TMEM200A: variants seen among roughly 807,000 people sequenced by gnomAD.
TMEM200A encodes transmembrane protein 200A.
In TMEM200A, 12 loss-of-function variants were observed where a neutral mutation model predicts 24.3. The observed-to-expected ratio is 0.49, with a 90% CI of 0.32 to 0.80. The LOEUF (loss-of-function observed/expected upper bound fraction) is 0.80. TMEM200A is among the 30% of genes least tolerant of loss of function. TMEM200A has a pLI of 0.04. For missense variants in TMEM200A, 545 were observed against 614.4 expected, an observed-to-expected ratio of 0.89 and a Z score of 1.19; for synonymous variants, 224 against 224.4, an observed-to-expected ratio of 1.00 and a Z score of 0.02.
At chr6:130,377,397 A>T (rs1778483980) in intron 1 of TMEM200A, among the ~76,000 whole-genome samples, 1 of 152,194 alleles carries the variant, frequency 6.6e-6, no homozygotes, top group Admixed American at 6.5e-5. Context: ...TAGAGATACC[A>T]TCCTAGGGAT....
At chr6:130,392,609 TAACTC>T (rs1403161982) in intron 2 of TMEM200A, among the ~76,000 whole-genome samples, 1 of 152,222 alleles carries the variant, frequency 6.6e-6, no homozygotes, top group Non-Finnish European at 1.5e-5. Flanking sequence ...CATCGCCTAG[TAACTC>T]AAATCCCAAC....
chr6:130,407,366 T>C (rs1779229556), intron 2 of TMEM200A, among the ~76,000 whole-genome samples: 1 of 152,206 alleles, frequency 6.6e-6, no homozygotes. Context: ...ACAACAGGGT[T>C]AGTAGTTTCT....
rs557845367 is a variant in TMEM200A at position 130,399,017 on chromosome 6, T to C, written c.-17+13781T>C. ...CACAATCTTAGTTTGTCTGAAAATA[T>C]ATTTATTTTTTTCTCCGACTTCAAT... On this transcript the variant is annotated intron_variant, in intron 2 of 2. Coordinates refer to ENST00000296978, the MANE Select transcript of TMEM200A (RefSeq NM_001258277.2). 3.3e-5 allele frequency among the ~76,000 whole-genome samples: 5 copies of C among 152,020 alleles called. No individual in the cohort carries two copies. In the South Asian group the frequency reaches 6.2e-4, roughly 19 times the overall value.
At chr6:130,424,489 G>T (rs562818860) in intron 2 of TMEM200A, among the ~76,000 whole-genome samples, 23 of 152,128 alleles carry the variant, frequency 1.5e-4, no homozygotes, top group Admixed American at 4.6e-4. Flanking sequence ...CTTCTTGGCA[G>T]TTCTTTTGGG....
intron 2 of TMEM200A, among the ~76,000 whole-genome samples, chr6:130,389,836 T>C (rs1490244282): frequency 6.6e-6 from 1 of 152,316 alleles, no homozygotes; most frequent in Non-Finnish European, 1.5e-5. Flanking sequence ...CAGATTGAGA[T>C]TCCCTGGTTT....
intron 1 of TMEM200A, among the ~76,000 whole-genome samples, chr6:130,377,412 T>C (rs1778484408): frequency 6.6e-6 from 1 of 152,194 alleles, no homozygotes; most frequent in Non-Finnish European, 1.5e-5. Flanking sequence ...AGGGATTCCC[T>C]GTTCTCCTGC....
At chr6:130,427,525 G>C (rs115344990) in intron 2 of TMEM200A, among the ~76,000 whole-genome samples, 2 of 120,204 alleles carry the variant, frequency 1.7e-5, no homozygotes, top group African/African-American at 9.7e-5. Context: ...GTATTCTTGG[G>C]CAAATCTTTT....
Position 130,442,508 on chromosome 6 carries a change from G to C in TMEM200A, c.*610G>C, listed in dbSNP as rs931091850. Reference sequence around the variant, plus strand: ...TCTGTTTTTAGTGATATTATATCAAGAAACAACGTATTCAAGAGCCATGGC... The same window carrying C: ...TCTGTTTTTAGTGATATTATATCAACAAACAACGTATTCAAGAGCCATGGC... On this transcript the variant is annotated 3_prime_UTR_variant, in exon 3 of 3. Transcript: ENST00000296978. The C allele has an allele frequency of 6.0e-6, 1 of 166,334 alleles. No homozygotes were observed. The highest frequency in any genetic ancestry group is 2.4e-5 in the African/African-American group (1 of 41,398). 10.3% of individuals were successfully genotyped at this position (166,334 alleles called of 1,614,324 possible).
intron 2 of TMEM200A, among the ~76,000 whole-genome samples, chr6:130,392,040 G>A (rs1033062909): frequency 2.0e-5 from 3 of 152,150 alleles, no homozygotes; most frequent in African/African-American, 4.8e-5. Flanking sequence ...ACCACACACG[G>A]CCAAGATTCT....
intron 1 of TMEM200A, among the ~76,000 whole-genome samples, chr6:130,382,329 G>C (rs73611669): frequency 5.9e-5 from 9 of 152,052 alleles, no homozygotes; most frequent in Non-Finnish European, 2.9e-5. Flanking sequence ...TCTCCATTCC[G>C]TCTCACCTGG....
rs779091090 is a variant in TMEM200A at position 130,441,052 on chromosome 6, C to T, written c.630C>T (p.Ile210=). Residue 210 remains isoleucine (I), a synonymous_variant, in exon 3 of 3, where the codon ATC becomes ATT. Coordinates refer to ENST00000296978, the MANE Select transcript of TMEM200A (RefSeq NM_001258277.2). ...CCTCGAGATTGGCAGCAAATACGAT[C>T]GCCTCTTTCTCGGGTTTTCGGAGCA... The part of the protein sequence containing the change: ...SCASRLAANT[I]ASFSGFRSSF... 4 of 1,613,746 alleles carry T rather than the reference C, an allele frequency of 2.5e-6. No homozygotes were observed. The highest frequency in any genetic ancestry group is 2.7e-5 in the African/African-American group (2 of 74,916).
intron 2 of TMEM200A, among the ~76,000 whole-genome samples, chr6:130,418,339 G>A (rs1407203581): frequency 6.6e-6 from 1 of 152,114 alleles, no homozygotes; most frequent in East Asian, 1.9e-4. Context: ...CACAAATAAT[G>A]AAAGTAAAAA....
intron 2 of TMEM200A, among the ~76,000 whole-genome samples, chr6:130,404,045 G>A (rs773761050): frequency 1.3e-5 from 2 of 152,132 alleles, no homozygotes; most frequent in Non-Finnish European, 2.9e-5. Flanking sequence ...TGGTGTAAAT[G>A]TACCACATTT....
At chr6:130,368,629 A>G (rs1352311228) in intron 1 of TMEM200A, among the ~76,000 whole-genome samples, 4 of 152,202 alleles carry the variant, frequency 2.6e-5, no homozygotes, top group Non-Finnish European at 5.9e-5. Flanking sequence ...AGAAAACATC[A>G]GTGAGTGCTT....
rs910320142 is a variant in TMEM200A at position 130,366,361 on chromosome 6, C to G, written c.-244C>G. 23 of 984,960 alleles carry G rather than the reference C, an allele frequency of 2.3e-5. No homozygotes were observed. In the African/African-American group the frequency reaches 3.7e-4, roughly 16 times the overall value. The allele number at this position is 984,960 out of a possible 1,614,324, so 61.0% of individuals were successfully genotyped here. Reference sequence around the variant, plus strand: ...CCGAGCCCTGGGATGGGGAGGGAGACCGCGGCTGCCCGCGGCGGCCGAGAT... The same window carrying G: ...CCGAGCCCTGGGATGGGGAGGGAGAGCGCGGCTGCCCGCGGCGGCCGAGAT... On this transcript the variant is annotated 5_prime_UTR_variant, in exon 1 of 3. Coordinates refer to ENST00000296978, the MANE Select transcript of TMEM200A (RefSeq NM_001258277.2). This position sits in a 1 kb window ranked among gnomAD's most constrained non-coding sequence, Gnocchi z 4.4.
chr6:130,378,411 G>T (rs578140297), intron 1 of TMEM200A, among the ~76,000 whole-genome samples: 32 of 151,986 alleles, frequency 2.1e-4, no homozygotes, highest in Non-Finnish European at 4.4e-4. Flanking sequence ...AAATCATGTG[G>T]TCATGTGAAA....
chr6:130,376,466 A>T (rs1778458553), intron 1 of TMEM200A, among the ~76,000 whole-genome samples: 1 of 152,078 alleles, frequency 6.6e-6, no homozygotes, highest in African/African-American at 2.4e-5. Flanking sequence ...TATTTTTAGT[A>T]GAGATGAGGT....
chr6:130,424,665 A>G (rs1191373440), intron 2 of TMEM200A, among the ~76,000 whole-genome samples: 1 of 152,146 alleles, frequency 6.6e-6, no homozygotes, highest in Admixed American at 6.6e-5. Flanking sequence ...TTTAAGCAGT[A>G]GATAGTCCCC....
chr6:130,397,507 TC>T (rs1375798318), intron 2 of TMEM200A, among the ~76,000 whole-genome samples: 14 of 152,092 alleles, frequency 9.2e-5, no homozygotes, highest in Non-Finnish European at 2.1e-4. Context: ...ATAATGTTTT[TC>T]CCCCTCTTTG....
Sources: allele counts gnomAD v4.1 joint callset (sites outside exome capture counted in the v4.1 genomes callset), GRCh38; gene constraint gnomAD v4.1.1; non-coding constraint Gnocchi (gnomAD v3.1); transcripts MANE v1.5; gene names NCBI Gene and HGNC (gene_info 2026-07-23, HGNC 2026-07-21).